Variants in ARB2A observed in about 807,000 individuals in gnomAD.
ARB2A encodes the protein cotranscriptional regulator ARB2A.
chr5:94,070,147 A>G, the ARB2A span, among the ~76,000 whole-genome samples: 2 of 152,148 alleles, frequency 1.3e-5, no homozygotes, highest in African/African-American at 4.8e-5. Flanking sequence ...AAAACTATAC[A>G]TCCATAAGAA....
At chr5:93,683,752 C>T in the ARB2A span, 12 of 1,587,686 alleles carry the variant, frequency 7.6e-6, no homozygotes, top group African/African-American at 1.3e-5. Context: ...GGAGAGAAGG[C>T]GGACGGAGAT....
the ARB2A span, among the ~76,000 whole-genome samples, chr5:93,750,074 G>A: frequency 2.0e-5 from 3 of 152,180 alleles, no homozygotes; most frequent in African/African-American, 7.2e-5. Context: ...TACCCTTGGA[G>A]CCTAGATTGG....
chr5:93,980,506 GATA>G, the ARB2A span, among the ~76,000 whole-genome samples: 4 of 152,138 alleles, frequency 2.6e-5, no homozygotes, highest in Non-Finnish European at 4.4e-5. Flanking sequence ...ACAATTCACA[GATA>G]ATGTTTCTTC....
the ARB2A span, among the ~76,000 whole-genome samples, chr5:93,674,612 T>C: frequency 6.6e-6 from 1 of 152,196 alleles, no homozygotes; most frequent in East Asian, 1.9e-4. Flanking sequence ...CATGTAAATG[T>C]TTCAGAACTG....
chr5:93,910,457 A>G, the ARB2A span, among the ~76,000 whole-genome samples: 4 of 151,346 alleles, frequency 2.6e-5, no homozygotes, highest in Admixed American at 2.0e-4. Flanking sequence ...TGCTTTAAAC[A>G]AATATGTAGA....
At chr5:93,736,507 C>G in the ARB2A span, 10 of 152,122 alleles carry the variant, frequency 6.6e-5, no homozygotes, top group African/African-American at 2.2e-4. Flanking sequence ...TTTCATCACC[C>G]CGGGTGAGTC....
chr5:93,710,682 G>A, the ARB2A span, among the ~76,000 whole-genome samples: 10 of 152,200 alleles, frequency 6.6e-5, no homozygotes, highest in South Asian at 4.1e-4. Context: ...AGGAACCAAT[G>A]TATTTTTCTT....
chr5:93,900,191 GA>G, the ARB2A span, among the ~76,000 whole-genome samples: 1 of 152,132 alleles, frequency 6.6e-6, no homozygotes, highest in African/African-American at 2.4e-5. Context: ...GTATTATTTT[GA>G]AAAACAAAAA....
the ARB2A span, among the ~76,000 whole-genome samples, chr5:93,842,050 GA>G: frequency 1.8e-3 from 277 of 152,234 alleles, 2 homozygotes; most frequent in African/African-American, 5.7e-3. Flanking sequence ...AAAGAAGCTA[GA>G]CACAAAAGAC....
the ARB2A span, among the ~76,000 whole-genome samples, chr5:93,869,047 G>A: frequency 6.6e-6 from 1 of 152,142 alleles, no homozygotes; most frequent in African/African-American, 2.4e-5. Context: ...TCAGAATTGG[G>A]CTCAAATCTT....
the ARB2A span, among the ~76,000 whole-genome samples, chr5:93,744,434 CAAAAA>C: frequency 4.3e-3 from 63 of 14,516 alleles, no homozygotes; most frequent in African/African-American, 0.013. Context: ...GACTCAGTCT[CAAAAA>C]AAAAAAAAAA....
the ARB2A span, among the ~76,000 whole-genome samples, chr5:93,937,249 G>A: frequency 6.6e-6 from 1 of 151,704 alleles, no homozygotes; most frequent in African/African-American, 2.4e-5. Context: ...ATATCCAATT[G>A]CGTGTATGTG....
chr5:93,890,743 T>A, the ARB2A span, among the ~76,000 whole-genome samples: 1 of 152,024 alleles, frequency 6.6e-6, no homozygotes, highest in Non-Finnish European at 1.5e-5. Context: ...TCATACAGGC[T>A]CTACTAGAAA....
the ARB2A span, among the ~76,000 whole-genome samples, chr5:93,649,926 A>G: frequency 6.6e-6 from 1 of 152,198 alleles, no homozygotes; most frequent in South Asian, 2.1e-4. Context: ...CTAGATGCCC[A>G]CTAGAACAAA....
the ARB2A span, among the ~76,000 whole-genome samples, chr5:94,069,188 G>A: frequency 6.6e-6 from 1 of 152,252 alleles, no homozygotes; most frequent in African/African-American, 2.4e-5. Flanking sequence ...ATACACTGGG[G>A]AAAGAACACC....
At chr5:93,912,704 G>A in the ARB2A span, among the ~76,000 whole-genome samples, 3 of 151,662 alleles carry the variant, frequency 2.0e-5, no homozygotes, top group Non-Finnish European at 4.4e-5. Flanking sequence ...TACCATACTT[G>A]CTAAAAAATT....
chr5:93,910,251 A>C, the ARB2A span, among the ~76,000 whole-genome samples: 10 of 149,394 alleles, frequency 6.7e-5, no homozygotes, highest in African/African-American at 2.2e-4. Context: ...TCTCTGATAA[A>C]GTATATTTCC....
chr5:93,833,172 C>A, the ARB2A span, among the ~76,000 whole-genome samples: 1 of 151,574 alleles, frequency 6.6e-6, no homozygotes, highest in Admixed American at 6.6e-5. Flanking sequence ...TAGAATATAA[C>A]CAACTTGAAA....
chr5:94,018,292 TC>T, the ARB2A span, among the ~76,000 whole-genome samples: 46 of 152,190 alleles, frequency 3.0e-4, no homozygotes, highest in Admixed American at 9.2e-4. Context: ...CAGTGACTGA[TC>T]TTACAAATGC....
Sources: gnomAD v4.1 joint callset for allele counts (sites outside exome capture counted in the v4.1 genomes callset) on GRCh38, gnomAD v4.1.1 for gene constraint, MANE v1.5 for transcripts, NCBI Gene and HGNC (gene_info 2026-07-23, HGNC 2026-07-21) for gene names.